The following ANK1 variants were observed in gnomAD, a reference collection of about 807,000 sequenced individuals.
The protein encoded by ANK1 is ankyrin-1.
ANK1 carries 51 observed loss-of-function variants against 210.4 expected under a neutral mutation model. The ratio of observed to expected loss-of-function variants is 0.24; its 90% CI spans 0.19 to 0.31. ANK1 has a LOEUF of 0.31. ANK1 is among the 10% of genes least tolerant of loss of function. The pLI is 1.00. For synonymous variants in ANK1, 967 were observed against 1,025.9 expected (o/e 0.94, Z 1.10); for missense variants, 2,051 against 2,504.4 (o/e 0.82, Z 3.86).
chr8:41,888,963 C>G (rs1818924459), intron 1 of ANK1, among the ~76,000 whole-genome samples: 2 of 152,222 alleles, frequency 1.3e-5, no homozygotes, highest in Admixed American at 1.3e-4. Flanking sequence ...AGCTTTCCCA[C>G]TAATTTATAA....
At chr8:41,795,003 C>T (rs1245687788) in intron 1 of ANK1, among the ~76,000 whole-genome samples, 2 of 152,150 alleles carry the variant, frequency 1.3e-5, no homozygotes, top group Non-Finnish European at 2.9e-5. Context: ...CGTGCCTGGC[C>T]GTAAAGGTTG....
At chr8:41,836,973 C>T (rs1055933181) in intron 1 of ANK1, among the ~76,000 whole-genome samples, 3 of 151,406 alleles carry the variant, frequency 2.0e-5, no homozygotes, top group East Asian at 3.9e-4. Context: ...CAAGGCATTG[C>T]GCAGAGCATG....
chr8:41,777,746 T>C (rs953248299), intron 1 of ANK1, among the ~76,000 whole-genome samples: 1 of 152,140 alleles, frequency 6.6e-6, no homozygotes, highest in African/African-American at 2.4e-5. Flanking sequence ...ACTTTCATAA[T>C]CTCCTTTTCA....
intron 37 of ANK1, among the ~76,000 whole-genome samples, chr8:41,679,234 G>C (rs1001889665): frequency 2.6e-5 from 4 of 152,204 alleles, no homozygotes; most frequent in Non-Finnish European, 5.9e-5. Flanking sequence ...TTACCTTGTG[G>C]AGTGCTGGAT....
chr8:41,877,692 C>A (rs571111252), intron 1 of ANK1, among the ~76,000 whole-genome samples: 21 of 152,100 alleles, frequency 1.4e-4, no homozygotes, highest in Non-Finnish European at 3.1e-4. Context: ...CAAAATGATG[C>A]GATAGAGCAG....
In ANK1 at chr8:41,665,473, A is replaced by T. The variant is rs508419; in HGVS notation, c.5395-1731T>A. On this transcript the variant is annotated intron_variant, in intron 39 of 42. Coordinates refer to ENST00000289734, the MANE Select transcript of ANK1 (RefSeq NM_000037.4). ...CCTGGAAGTGGGGGCTCGGCCTCTC[A>T]CCTATCCTGCCCATCCCCATGGGAA... The T allele has an allele frequency of 1.5e-4, 53 of 360,318 alleles. 1 individual carries two copies. The highest frequency in any genetic ancestry group is 1.0e-3 in the South Asian group (50 of 47,818). The allele number at this position is 360,318 out of a possible 1,614,324, so 22.3% of individuals were successfully genotyped here.
At chr8:41,662,681 A>T (rs1808846841) in intron 40 of ANK1, among the ~76,000 whole-genome samples, 1 of 152,154 alleles carries the variant, frequency 6.6e-6, no homozygotes, top group Non-Finnish European at 1.5e-5. Context: ...GAGGTGAAAC[A>T]TCAGTGAGAC....
chr8:41,661,815 T>G, intron 41 of ANK1, 61 bp downstream of exon 41: 1 of 1,613,936 alleles, frequency 6.2e-7, no homozygotes, highest in Non-Finnish European at 8.5e-7. Context: ...GAGTGTTTCA[T>G]AAAGTAATCA....
At chr8:41,709,177 C>G (rs569445588) in intron 16 of ANK1, among the ~76,000 whole-genome samples, 3 of 152,170 alleles carry the variant, frequency 2.0e-5, no homozygotes, top group African/African-American at 7.2e-5. Context: ...CTTGCATAGC[C>G]TCTATATGTC....
chr8:41,676,246 C>G (rs1313296715), intron 37 of ANK1, among the ~76,000 whole-genome samples: 2 of 152,240 alleles, frequency 1.3e-5, no homozygotes, highest in Non-Finnish European at 2.9e-5. Context: ...CTCACCAACA[C>G]TTGATATGGC....
rs1201907717 is a variant in ANK1, at chr8:41,723,792, A to ATT, written c.712-161_712-160dup. ...GATATTTTATTTTTTTTTATTTTTT[A>ATT]TTTTTTTTTTTTTTTGAGACGGAGT... On this transcript the variant is annotated intron_variant, in intron 7 of 42. Coordinates refer to ENST00000289734, the MANE Select transcript of ANK1 (RefSeq NM_000037.4). 6.6e-3 allele frequency among the ~76,000 whole-genome samples: 919 copies of ATT among 140,092 alleles called. 4 individuals carry two copies. Among genetic ancestry groups the ATT allele is most frequent in the Non-Finnish European group, 0.012 (759 of 64,162 alleles). 91.9% of individuals were successfully genotyped at this position (140,092 alleles called of 152,430 possible).
intron 1 of ANK1, among the ~76,000 whole-genome samples, chr8:41,827,816 CAT>C (rs1393822563): frequency 5.9e-5 from 9 of 151,630 alleles, no homozygotes; most frequent in Non-Finnish European, 4.4e-5. Flanking sequence ...CACACACCCA[CAT>C]ACACACACGC....
intron 42 of ANK1, 117 bp from the exon 43 acceptor site, chr8:41,655,870 C>A: frequency 8.4e-7 from 1 of 1,186,378 alleles, no homozygotes; most frequent in Non-Finnish European, 1.2e-6. Flanking sequence ...TCAGGAAAAG[C>A]AGTCTCCCCA....
upstream of ANK1, chr8:41,797,648 GCCC>G (rs1849032395): frequency 2.0e-6 from 3 of 1,506,238 alleles, no homozygotes; most frequent in Non-Finnish European, 2.7e-6. The surrounding 1 kb of genome is among the most constrained non-coding windows in gnomAD (Gnocchi z 4.0). Flanking sequence ...TGCGGGCCAG[GCCC>G]CCGAGGGCCT....
At chr8:41,700,001 A>G (rs1563479015) in intron 22 of ANK1, among the ~76,000 whole-genome samples, 1 of 152,228 alleles carries the variant, frequency 6.6e-6, no homozygotes, top group African/African-American at 2.4e-5. Flanking sequence ...TCCAAAGCCT[A>G]TCACAAAGAG....
chr8:41,738,196 G>A (rs993349669), intron 2 of ANK1, among the ~76,000 whole-genome samples: 61 of 100,542 alleles, frequency 6.1e-4, no homozygotes, highest in Non-Finnish European at 9.5e-4. Context: ...ACAGCAAGAT[G>A]AGAAGTGTTT....
intron 1 of ANK1, among the ~76,000 whole-genome samples, chr8:41,853,465 A>T (rs1811629259): frequency 6.6e-6 from 1 of 152,236 alleles, no homozygotes. Context: ...GGGTCAGAAC[A>T]CTTAATGTTT....
intron 29 of ANK1, 135 bp from the exon 30 acceptor site, chr8:41,693,336 CCT>C: frequency 1.3e-6 from 1 of 749,538 alleles, no homozygotes; most frequent in Admixed American, 2.0e-5. Context: ...GGCACCCTAC[CCT>C]CACCCCGCTG....
At chr8:41,882,146 T>C (rs1189158065) in intron 1 of ANK1, among the ~76,000 whole-genome samples, 1 of 152,120 alleles carries the variant, frequency 6.6e-6, no homozygotes, top group Non-Finnish European at 1.5e-5. Context: ...TTTTCTCCCA[T>C]GTGAAATGGG....
Sources: gnomAD v4.1 joint callset for allele counts (sites outside exome capture counted in the v4.1 genomes callset) on GRCh38, gnomAD v4.1.1 for gene constraint, Gnocchi (gnomAD v3.1) non-coding constraint, MANE v1.5 for transcripts, NCBI Gene and HGNC (gene_info 2026-07-23, HGNC 2026-07-21) for gene names.